PRKN: variants seen among roughly 807,000 people sequenced by gnomAD.
PRKN encodes E3 ubiquitin-protein ligase parkin.
PRKN carries 56 observed loss-of-function variants against 59.5 expected under a neutral mutation model. That is an observed-to-expected ratio of 0.94 (90% confidence interval 0.76 to 1.18). The LOEUF is 1.18. Ranked by LOEUF, PRKN falls within the 50% of genes most tolerant of loss-of-function variation. PRKN has a pLI of 0.00. For missense variants in PRKN, 657 were observed against 596.4 expected (o/e 1.10, Z -1.06); for synonymous variants, 250 against 222.1 (o/e 1.13, Z -1.12).
In PRKN at chr6:161,529,792, C is replaced by T. The variant is rs1419756694; in HGVS notation, c.1083+19062G>A. On this transcript the variant is annotated intron_variant, in intron 9 of 11. Transcript: ENST00000366898. The surrounding 1 kb of genome is among the most constrained non-coding windows in gnomAD (Gnocchi z 4.4). ...TGGCTGGAAAATTTTTCATGGGTTACACATTCTTTCATATATTTCTCACAT... is the reference window on the plus strand; with the variant it reads ...TGGCTGGAAAATTTTTCATGGGTTATACATTCTTTCATATATTTCTCACAT... Among the ~76,000 whole-genome samples, 1 of 152,162 alleles carries T rather than the reference C, an allele frequency of 6.6e-6. No homozygotes were observed. The highest frequency in any genetic ancestry group is 1.5e-5 in the Non-Finnish European group (1 of 68,028).
At chr6:161,902,546 C>G (rs980248167) in intron 6 of PRKN, among the ~76,000 whole-genome samples, 1 of 100,260 alleles carries the variant, frequency 1.0e-5, no homozygotes, top group East Asian at 3.2e-4. Context: ...ATCTATCTAT[C>G]TATTTATTTA....
chr6:161,994,941 C>T (rs1309453384), intron 5 of PRKN, among the ~76,000 whole-genome samples: 1 of 151,144 alleles, frequency 6.6e-6, no homozygotes, highest in East Asian at 1.9e-4. Context: ...AAAAAACAGT[C>T]CTAAAATATG....
At chr6:162,157,589 C>T (rs1037227326) in intron 4 of PRKN, among the ~76,000 whole-genome samples, 5 of 150,826 alleles carry the variant, frequency 3.3e-5, no homozygotes, top group African/African-American at 1.2e-4. Context: ...AAAGGAAATG[C>T]AATTAATACA....
intron 6 of PRKN, among the ~76,000 whole-genome samples, chr6:161,929,317 G>C (rs1264910746): frequency 6.6e-6 from 1 of 152,102 alleles, no homozygotes; most frequent in Non-Finnish European, 1.5e-5. Context: ...GAGACTGAGA[G>C]ATAGAAAGTA....
At chr6:162,165,813 C>T (rs943108760) in intron 4 of PRKN, among the ~76,000 whole-genome samples, 2 of 151,664 alleles carry the variant, frequency 1.3e-5, no homozygotes, top group African/African-American at 2.4e-5. Flanking sequence ...CTTTGGGAGG[C>T]CGAGGCAGGC....
chr6:162,094,199 TG>T (rs1779631404), intron 4 of PRKN, among the ~76,000 whole-genome samples: 1 of 151,940 alleles, frequency 6.6e-6, no homozygotes, highest in Non-Finnish European at 1.5e-5. Context: ...GAAGAAAAGT[TG>T]GAAAGGTGGC....
intron 2 of PRKN, among the ~76,000 whole-genome samples, chr6:162,348,486 T>A (rs888699585): frequency 6.6e-6 from 1 of 151,884 alleles, no homozygotes; most frequent in African/African-American, 2.4e-5. Context: ...GAAAAGAAGA[T>A]CTCAAATCAA....
intron 6 of PRKN, among the ~76,000 whole-genome samples, chr6:161,948,970 T>A (rs931427934): frequency 4.6e-5 from 7 of 152,164 alleles, no homozygotes; most frequent in Non-Finnish European, 8.8e-5. Flanking sequence ...AGCAGAGCTC[T>A]CTGATTTCTA....
intron 7 of PRKN, among the ~76,000 whole-genome samples, chr6:161,676,438 T>G (rs1180878825): frequency 6.6e-6 from 1 of 152,186 alleles, no homozygotes; most frequent in Non-Finnish European, 1.5e-5. Flanking sequence ...CTAAGAATGG[T>G]TTTTACTTTT....
At chr6:161,531,354 C>A (rs1159011197) in intron 9 of PRKN, among the ~76,000 whole-genome samples, 2 of 149,752 alleles carry the variant, frequency 1.3e-5, no homozygotes, top group Admixed American at 1.3e-4. Context: ...GCACTCCAGC[C>A]TGGATGACAG....
At chr6:161,500,325 C>G (rs1377467161) in intron 9 of PRKN, among the ~76,000 whole-genome samples, 3 of 152,062 alleles carry the variant, frequency 2.0e-5, no homozygotes, top group Non-Finnish European at 4.4e-5. Flanking sequence ...CACCCAAAGT[C>G]CTCAGTTTAC....
At chr6:162,461,226 G>A (rs1397001889) in intron 1 of PRKN, among the ~76,000 whole-genome samples, 2 of 146,666 alleles carry the variant, frequency 1.4e-5, no homozygotes, top group African/African-American at 5.1e-5. Context: ...AGGAGGCTGG[G>A]TGTGGTGGCT....
chr6:162,704,845 G>A (rs1206457337), intron 1 of PRKN, among the ~76,000 whole-genome samples: 2 of 151,520 alleles, frequency 1.3e-5, no homozygotes, highest in Admixed American at 6.6e-5. Context: ...AATGGACTTC[G>A]GATTTTGTTT....
intron 4 of PRKN, among the ~76,000 whole-genome samples, chr6:162,075,047 A>T (rs1051103742): frequency 3.3e-5 from 5 of 149,832 alleles, no homozygotes; most frequent in African/African-American, 1.3e-4. Flanking sequence ...GAACCATATG[A>T]TTATCTTCGT....
In PRKN at chr6:161,483,186, A is replaced by C. The variant is rs1177533199; in HGVS notation, c.1083+65668T>G. ...AACAATTGTGTTTCAAAAAAAAAAA[A>C]AAAAACATGCATTGTTAATGAGACT... On this transcript the variant is annotated intron_variant, in intron 9 of 11. Coordinates refer to ENST00000366898, the MANE Select transcript of PRKN (RefSeq NM_004562.3). The surrounding 1 kb of genome is among the most constrained non-coding windows in gnomAD (Gnocchi z 5.0). Among the ~76,000 whole-genome samples, 3 of 152,108 alleles carry C rather than the reference A, an allele frequency of 2.0e-5. No homozygotes were observed. The highest frequency in any genetic ancestry group is 6.5e-5 in the Admixed American group (1 of 15,272).
At chr6:161,540,750 G>A (rs1290679637) in intron 9 of PRKN, among the ~76,000 whole-genome samples, 2 of 152,238 alleles carry the variant, frequency 1.3e-5, no homozygotes, top group African/African-American at 4.8e-5. Context: ...AATGCTGAGT[G>A]TGCTGTTCTG....
At position 162,637,118 on chromosome 6, in the gene PRKN, G is replaced by A. The variant is rs186378518; in HGVS notation, c.7+90544C>T. ...AAAAAATAAAAAAAAATAGCCGGGCGTGGTGGCGGGTGCCTATAATCCCAG... is the reference window on the plus strand; with the variant it reads ...AAAAAATAAAAAAAAATAGCCGGGCATGGTGGCGGGTGCCTATAATCCCAG... On this transcript the variant is annotated intron_variant, in intron 1 of 11. Coordinates refer to ENST00000366898, the MANE Select transcript of PRKN (RefSeq NM_004562.3). Among the ~76,000 whole-genome samples the A allele has an allele frequency of 6.8e-4, 103 of 152,028 alleles. No individual in the cohort carries two copies. In the East Asian group the frequency reaches 9.5e-3, roughly 14 times the overall value.
chr6:161,908,589 G>GA (rs11339005), intron 6 of PRKN, among the ~76,000 whole-genome samples: 11 of 148,180 alleles, frequency 7.4e-5, no homozygotes, highest in South Asian at 4.3e-4. Flanking sequence ...GTGATTACAA[G>GA]AAAAAAAAAC....
intron 1 of PRKN, among the ~76,000 whole-genome samples, chr6:162,714,874 T>G (rs1584104590): frequency 6.6e-6 from 1 of 152,148 alleles, no homozygotes; most frequent in African/African-American, 2.4e-5. Flanking sequence ...AATCTCTACT[T>G]CTTCCAAAAT....
Sources: allele counts gnomAD v4.1 joint callset (sites outside exome capture counted in the v4.1 genomes callset), GRCh38; gene constraint gnomAD v4.1.1; non-coding constraint Gnocchi (gnomAD v3.1); transcripts MANE v1.5; gene names NCBI Gene and HGNC (gene_info 2026-07-23, HGNC 2026-07-21).